Variants in CD86 observed in about 807,000 individuals in gnomAD.
CD86 encodes T-lymphocyte activation antigen CD86.
A neutral mutation model predicts 32.1 loss-of-function variants in CD86; 11 were observed. The ratio of observed to expected loss-of-function variants is 0.34; its 90% CI spans 0.22 to 0.57. The LOEUF (loss-of-function observed/expected upper bound fraction) is 0.57. CD86 is among the 20% of genes least tolerant of loss of function. CD86 has a pLI of 0.86. For synonymous variants in CD86, 137 were observed against 135.3 expected (o/e 1.01, Z -0.09); for missense variants, 359 against 398.4 (o/e 0.90, Z 0.84).
chr3:122,107,282 G>A (rs192783081), intron 4 of CD86, among the ~76,000 whole-genome samples: 2 of 152,182 alleles, frequency 1.3e-5, no homozygotes, highest in Non-Finnish European at 1.5e-5. Flanking sequence ...GGTGACTTCC[G>A]TAGCTGAAAA....
chr3:122,108,627 G>C (rs2073126507), intron 4 of CD86, among the ~76,000 whole-genome samples: 1 of 152,324 alleles, frequency 6.6e-6, no homozygotes, highest in Middle Eastern at 3.4e-3. Flanking sequence ...GAGTTCTCAT[G>C]TAAGGAAGTA....
chr3:122,060,697 A>T (rs35061302), intron 1 of CD86, among the ~76,000 whole-genome samples: 12,919 of 152,186 alleles, frequency 0.085, 561 homozygotes, highest in East Asian at 0.11. Flanking sequence ...TTCCCACCCA[A>T]AACTAGTTTG....
intron 4 of CD86, among the ~76,000 whole-genome samples, chr3:122,107,408 T>G (rs2073109098): frequency 6.6e-6 from 1 of 152,328 alleles, no homozygotes; most frequent in African/African-American, 2.4e-5. Flanking sequence ...TGCTTGTGTG[T>G]TCACAAGTAT....
intron 6 of CD86, among the ~76,000 whole-genome samples, 161 bp from the exon 7 acceptor site, chr3:122,119,277 G>C (rs980834449): frequency 6.6e-6 from 1 of 151,900 alleles, no homozygotes; most frequent in African/African-American, 2.4e-5. Context: ...AGTGTAGACC[G>C]TGGTTCTTTT....
At chr3:122,089,379 G>A (rs190146339) in intron 1 of CD86, among the ~76,000 whole-genome samples, 24 of 152,130 alleles carry the variant, frequency 1.6e-4, no homozygotes, top group East Asian at 7.7e-4. Context: ...TAATTTCACC[G>A]TTTCCTATTG....
Position 122,112,958 on chromosome 3 carries a change from G to A in CD86, c.847+3550G>A, listed in dbSNP as rs577686354. Among the ~76,000 whole-genome samples the A allele has an allele frequency of 4.6e-5, 7 of 152,204 alleles. No homozygotes were observed. In the South Asian group the frequency reaches 1.2e-3, roughly 27 times the overall value. On this transcript the variant is annotated intron_variant, in intron 5 of 6. Transcript: ENST00000330540. ...GAGACTTTGGTGCCACCTGTCACTC[G>A]AGCAGTGTACACTGCACCAGTGTGT... is the stretch of plus-strand genomic sequence containing the variant.
chr3:122,095,405 T>C (rs1260519384), intron 2 of CD86, among the ~76,000 whole-genome samples: 1 of 152,140 alleles, frequency 6.6e-6, no homozygotes, highest in African/African-American at 2.4e-5. Flanking sequence ...AGTCTCGAAC[T>C]CCTGACCTCA....
intron 1 of CD86, among the ~76,000 whole-genome samples, chr3:122,062,836 G>A (rs1170370972): frequency 6.6e-6 from 1 of 152,076 alleles, no homozygotes; most frequent in East Asian, 1.9e-4. Flanking sequence ...AGATATTTTA[G>A]GACTCACATT....
At chr3:122,084,419 T>C (rs1427344466) in intron 1 of CD86, among the ~76,000 whole-genome samples, 1 of 152,202 alleles carries the variant, frequency 6.6e-6, no homozygotes, top group Non-Finnish European at 1.5e-5. Context: ...AACTCTTCCA[T>C]TGCACTGCAA....
intron 1 of CD86, among the ~76,000 whole-genome samples, chr3:122,089,557 A>T (rs934184647): frequency 2.0e-5 from 3 of 152,266 alleles, no homozygotes; most frequent in Non-Finnish European, 4.4e-5. Context: ...ATTGCTAAAG[A>T]TCACAAATTA....
Position 122,103,567 on chromosome 3 carries a change from C to G in CD86, c.120C>G (p.Cys40Trp). The G allele has an allele frequency of 6.2e-7, 1 of 1,613,842 alleles. No individual in the cohort carries two copies. The highest frequency in any genetic ancestry group is 1.7e-5 in the Admixed American group (1 of 60,002). The change falls in exon 3 of 7, where the codon TGC (cysteine) becomes TGG (tryptophan). Residue 40 changes from cysteine (C) to tryptophan (W), a missense_variant. Coordinates refer to ENST00000330540, the MANE Select transcript of CD86 (RefSeq NM_175862.5). ...TCAATGAGACTGCAGACCTGCCATG[C>G]CAATTTGCAAACTCTCAAAACCAAA... The part of the protein sequence containing the change: ...AYFNETADLP[C>W]QFANSQNQSL...
rs563835927 is a variant in CD86, at chr3:122,075,931, C to T, written c.15-15670C>T. Among the ~76,000 whole-genome samples the T allele has an allele frequency of 6.6e-5, 10 of 152,206 alleles. No homozygotes were observed. The East Asian group carries it at 1.9e-3, about 29-fold the overall frequency. On this transcript the variant is annotated intron_variant, in intron 1 of 6. Coordinates refer to ENST00000330540, the MANE Select transcript of CD86 (RefSeq NM_175862.5). ...CCATATATATGCCATGTTATTTAACCGTCATGACATGCCTATGAGATATTT... is the reference window on the plus strand; with the variant it reads ...CCATATATATGCCATGTTATTTAACTGTCATGACATGCCTATGAGATATTT...
intron 2 of CD86, among the ~76,000 whole-genome samples, chr3:122,094,659 G>A (rs767324166): frequency 6.6e-6 from 1 of 152,208 alleles, no homozygotes; most frequent in Non-Finnish European, 1.5e-5. Flanking sequence ...CCCTCAAAAT[G>A]TAGAGCTGAA....
intron 2 of CD86, among the ~76,000 whole-genome samples, chr3:122,101,513 A>ATATATATATATATAT (rs1553753638): frequency 6.5e-5 from 3 of 46,326 alleles, no homozygotes; most frequent in African/African-American, 2.6e-4. Context: ...AAAAAAAAAA[A>ATATATATATATATAT]ATATATATAT....
chr3:122,084,410 A>G (rs1272025737), intron 1 of CD86, among the ~76,000 whole-genome samples: 1 of 152,142 alleles, frequency 6.6e-6, no homozygotes. Flanking sequence ...TAGCTGTTCA[A>G]CTCTTCCATT....
At chr3:122,076,502 T>G (rs1209165869) in intron 1 of CD86, among the ~76,000 whole-genome samples, 2 of 152,198 alleles carry the variant, frequency 1.3e-5, no homozygotes, top group African/African-American at 4.8e-5. Flanking sequence ...GTGGGATCTA[T>G]CTGTATGAAG....
At chr3:122,105,307 A>G (rs2073073837) in intron 3 of CD86, among the ~76,000 whole-genome samples, 2 of 152,254 alleles carry the variant, frequency 1.3e-5, no homozygotes, top group Non-Finnish European at 2.9e-5. Flanking sequence ...TTCACCTTCT[A>G]CAGGCCACAT....
chr3:122,055,605 T>A, intron 1 of CD86, 102 bp downstream of exon 1: 4 of 1,055,670 alleles, frequency 3.8e-6, no homozygotes, highest in Non-Finnish European at 5.8e-6. Flanking sequence ...TTCACTTAGT[T>A]CCTAAGTGGA....
Position 122,106,109 on chromosome 3 carries a change from C to T in CD86, c.401-89C>T, listed in dbSNP as rs1233341415. 6.9e-6 allele frequency: 7 copies of T among 1,016,472 alleles called. No homozygotes were observed. In the Admixed American group the frequency reaches 1.7e-4, roughly 24 times the overall value. The allele number at this position is 1,016,472 out of a possible 1,614,324, so 63.0% of individuals were successfully genotyped here. A position where few individuals can be genotyped will look rare whatever the true frequency, so the allele number is the denominator to read the frequency against. ...AGGCTCCCAGGTGTGCCCCAATGAGCCCCAGATCAAGTACCCAGTTATTTG... is the reference window on the plus strand; with the variant it reads ...AGGCTCCCAGGTGTGCCCCAATGAGTCCCAGATCAAGTACCCAGTTATTTG... On this transcript the variant is annotated intron_variant, in intron 3 of 6. Transcript: ENST00000330540.
Sources: gnomAD v4.1 joint callset for allele counts (sites outside exome capture counted in the v4.1 genomes callset) on GRCh38, gnomAD v4.1.1 for gene constraint, MANE v1.5 for transcripts, NCBI Gene and HGNC (gene_info 2026-07-23, HGNC 2026-07-21) for gene names.